The following PDE1C variants were observed in gnomAD, a reference collection of about 807,000 sequenced individuals.
The protein encoded by PDE1C is dual specificity calcium/calmodulin-dependent 3',5'-cyclic nucleotide phosphodiesterase 1C.
Under a neutral mutation model 93.1 loss-of-function variants are expected in PDE1C, and 62 were observed. The observed-to-expected ratio is 0.67, with a 90% CI of 0.54 to 0.82. The LOEUF (loss-of-function observed/expected upper bound fraction) is 0.82. Among genes scored for constraint, PDE1C ranks in the 40% least tolerant of loss-of-function variants. The pLI, the probability that PDE1C is intolerant of heterozygous loss-of-function variation, is 0.00. For synonymous variants in PDE1C, 325 were observed against 310.1 expected (o/e 1.05, Z -0.50); for missense variants, 742 against 884.6 (o/e 0.84, Z 2.04).
chr7:32,169,937 A>G (rs974627203), exon 3 of PDE1C: 21 of 1,612,494 alleles, frequency 1.3e-5, no homozygotes, highest in African/African-American at 5.3e-5. Context: ...AGTTCCACAG[A>G]CAGTTCTGTG....
At chr7:31,634,665 G>C in the PDE1C span, among the ~76,000 whole-genome samples, 7 of 152,270 alleles carry the variant, frequency 4.6e-5, no homozygotes, top group East Asian at 1.4e-3. Context: ...TAGGCAGGAT[G>C]GGGGAACCAG....
chr7:32,135,226 CATG>C (rs1400020821), intron 3 of PDE1C, among the ~76,000 whole-genome samples: 2 of 152,148 alleles, frequency 1.3e-5, no homozygotes, highest in African/African-American at 4.8e-5. Context: ...GAACTCCTCT[CATG>C]ATGAGCCCTA....
rs1585119256 is a variant in PDE1C, at chr7:32,346,186, C to T, written c.310+81636G>A. Among the ~76,000 whole-genome samples the T allele has an allele frequency of 2.6e-5, 4 of 152,290 alleles. No homozygotes were observed. In the South Asian group the frequency reaches 6.2e-4, roughly 24 times the overall value. On this transcript the variant is annotated intron_variant, in intron 1 of 1. Coordinates refer to the PDE1C transcript ENST00000672256. ...CACATGGCCCCACACTCAGAAGGGCCTCTGAACTTAGGATTGAATGTACTA... is the reference window on the plus strand; with the variant it reads ...CACATGGCCCCACACTCAGAAGGGCTTCTGAACTTAGGATTGAATGTACTA...
At chr7:31,818,324 A>T (rs1048370414) in intron 14 of PDE1C, among the ~76,000 whole-genome samples, 6 of 152,166 alleles carry the variant, frequency 3.9e-5, no homozygotes, top group African/African-American at 1.2e-4. Context: ...TCTCAGTAGG[A>T]TGCAGGACCA....
At chr7:32,353,554 TTG>T (rs749844356) in intron 1 of PDE1C, among the ~76,000 whole-genome samples, 567 of 36,720 alleles carry the variant, frequency 0.015, 53 homozygotes, top group East Asian at 0.072. Flanking sequence ...CCTGTAGTTT[TTG>T]TTTTTTTTTT....
chr7:31,817,523 A>G (rs1788420522), intron 14 of PDE1C, among the ~76,000 whole-genome samples: 4 of 152,272 alleles, frequency 2.6e-5, no homozygotes, highest in African/African-American at 4.8e-5. Context: ...ACAGAGCCCA[A>G]TCCTCCAAGG....
chr7:32,109,403 A>G (rs978506265), intron 3 of PDE1C, among the ~76,000 whole-genome samples: 2 of 152,122 alleles, frequency 1.3e-5, no homozygotes, highest in African/African-American at 4.8e-5. Flanking sequence ...TTGTTTTTTT[A>G]AAAAAGCACA....
chr7:32,418,282 C>T (rs1785316828), intron 1 of PDE1C, among the ~76,000 whole-genome samples: 1 of 152,108 alleles, frequency 6.6e-6, no homozygotes, highest in African/African-American at 2.4e-5. Context: ...CAGTTCAGCA[C>T]AAGGCTTAAG....
intron 16 of PDE1C, among the ~76,000 whole-genome samples, chr7:31,782,626 T>A (rs1398113791): frequency 6.6e-6 from 1 of 152,148 alleles, no homozygotes; most frequent in Non-Finnish European, 1.5e-5. Flanking sequence ...GAGGCCGGTT[T>A]GAAGGCATCA....
At chr7:31,833,368 T>TC (rs1790666721) in intron 11 of PDE1C, among the ~76,000 whole-genome samples, 1 of 152,168 alleles carries the variant, frequency 6.6e-6, no homozygotes, top group African/African-American at 2.4e-5. Flanking sequence ...AGAGTGTGGC[T>TC]CTGCTATAAA....
chr7:32,426,968 T>C (rs930069535), intron 1 of PDE1C, among the ~76,000 whole-genome samples: 1 of 152,202 alleles, frequency 6.6e-6, no homozygotes, highest in Admixed American at 6.5e-5. Flanking sequence ...GAGATGTATT[T>C]AGCAACATTT....
intron 2 of PDE1C, among the ~76,000 whole-genome samples, chr7:32,018,193 C>T (rs1031168108): frequency 6.6e-6 from 1 of 151,802 alleles, no homozygotes; most frequent in Non-Finnish European, 1.5e-5. Context: ...GAAATTGGAA[C>T]CCTCATACAC....
chr7:32,209,420 T>C, intron 2 of PDE1C: 1 of 1,251,360 alleles, frequency 8.0e-7, no homozygotes, highest in Non-Finnish European at 1.1e-6. Context: ...CTATACCGCA[T>C]GGGGGAAAGA....
chr7:32,341,182 T>TTTTTTTTTTTC (rs1783743937), intron 1 of PDE1C, among the ~76,000 whole-genome samples: 1 of 102,734 alleles, frequency 9.7e-6, no homozygotes, highest in African/African-American at 3.6e-5. Flanking sequence ...TCTTTTTTTT[T>TTTTTTTTTTTC]TTTTTTTTTT....
At chr7:31,969,040 C>T (rs976304998) in intron 2 of PDE1C, among the ~76,000 whole-genome samples, 2 of 152,092 alleles carry the variant, frequency 1.3e-5, no homozygotes, top group African/African-American at 4.8e-5. Context: ...AGAAGAAAAC[C>T]TAGGCAATAC....
At chr7:31,761,092 C>T (rs1562751700) in intron 17 of PDE1C, among the ~76,000 whole-genome samples, 3 of 151,004 alleles carry the variant, frequency 2.0e-5, no homozygotes, top group Admixed American at 1.3e-4. Flanking sequence ...ATGTACTGGG[C>T]ATGTATTTTG....
At chr7:31,717,049 A>G in the PDE1C span, among the ~76,000 whole-genome samples, 1 of 152,242 alleles carries the variant, frequency 6.6e-6, no homozygotes, top group Admixed American at 6.5e-5. Context: ...CAAACTTGGA[A>G]ACCTGACAAT....
At chr7:31,849,562 G>T (rs1466953387) in intron 8 of PDE1C, among the ~76,000 whole-genome samples, 1 of 152,146 alleles carries the variant, frequency 6.6e-6, no homozygotes. Context: ...GTCTTCTTTT[G>T]TGTATACTGT....
chr7:32,337,756 C>T (rs574957719), intron 1 of PDE1C, among the ~76,000 whole-genome samples: 1 of 151,466 alleles, frequency 6.6e-6, no homozygotes, highest in Non-Finnish European at 1.5e-5. Context: ...AAGTACTGAG[C>T]CAATGGAGAT....
Sources: allele counts gnomAD v4.1 joint callset (sites outside exome capture counted in the v4.1 genomes callset), GRCh38; gene constraint gnomAD v4.1.1; transcripts MANE v1.5; gene names NCBI Gene and HGNC (gene_info 2026-07-23, HGNC 2026-07-21).